Variants in EMB observed in about 807,000 individuals in gnomAD.
The protein encoded by EMB is embigin homolog.
A neutral mutation model predicts 41.4 loss-of-function variants in EMB; 31 were observed. The observed-to-expected ratio is 0.75, with a 90% CI of 0.56 to 1.01. EMB has a LOEUF of 1.01. EMB is among the 50% of genes least tolerant of loss of function. The probability of loss-of-function intolerance (pLI) is 0.00; values close to 1 mark genes in which losing one functional copy is unlikely to be tolerated. For missense variants in EMB, 379 were observed against 388.3 expected, an observed-to-expected ratio of 0.98 and a Z score of 0.20; for synonymous variants, 137 against 140.4, an observed-to-expected ratio of 0.98 and a Z score of 0.17.
chr5:50,400,395 A>C (rs1745141863), intron 7 of EMB, among the ~76,000 whole-genome samples: 1 of 152,040 alleles, frequency 6.6e-6, no homozygotes, highest in African/African-American at 2.4e-5. Flanking sequence ...CTAAATAACC[A>C]GTATGCATAA....
upstream of EMB, among the ~76,000 whole-genome samples, chr5:50,442,514 T>TACACACACACACACGTAC (rs1554026470): frequency 1.7e-4 from 26 of 150,756 alleles, no homozygotes; most frequent in African/African-American, 6.4e-4. Flanking sequence ...TGCACACATG[T>TACACACACACACACGTAC]ACACACACAC....
At chr5:50,408,872 C>G (rs184397027) in intron 4 of EMB, among the ~76,000 whole-genome samples, 1 of 151,980 alleles carries the variant, frequency 6.6e-6, no homozygotes, top group Admixed American at 6.6e-5. Context: ...TTTCTGTAAG[C>G]AATATTCAAT....
intron 2 of EMB, among the ~76,000 whole-genome samples, chr5:50,426,902 A>C (rs1579739175): frequency 6.6e-6 from 1 of 151,440 alleles, no homozygotes. Flanking sequence ...AAAAAAGAAA[A>C]AAAAAAAAAA....
intron 6 of EMB, 92 bp downstream of exon 6, chr5:50,403,086 C>G (rs1264901902): frequency 3.3e-6 from 4 of 1,209,158 alleles, no homozygotes; most frequent in Non-Finnish European, 3.4e-6. Context: ...TGCAATGTAT[C>G]AAATCATAAT....
intron 5 of EMB, 88 bp downstream of exon 5, chr5:50,405,637 G>C: frequency 6.8e-7 from 1 of 1,466,326 alleles, no homozygotes; most frequent in Non-Finnish European, 9.0e-7. Context: ...AATCATCTTA[G>C]GAATGCTGAG....
intron 2 of EMB, among the ~76,000 whole-genome samples, chr5:50,426,021 T>A (rs1007748261): frequency 3.3e-5 from 5 of 152,206 alleles, no homozygotes; most frequent in African/African-American, 4.8e-5. Context: ...GAAATAGCAA[T>A]AAACCTAGAA....
At chr5:50,418,961 A>T (rs1745471510) in intron 2 of EMB, among the ~76,000 whole-genome samples, 2 of 152,254 alleles carry the variant, frequency 1.3e-5, no homozygotes, top group Admixed American at 1.3e-4. Context: ...TTAAAATTAC[A>T]TAGCACTGAT....
chr5:50,415,574 T>A (rs1474137705), intron 2 of EMB, among the ~76,000 whole-genome samples: 1 of 152,208 alleles, frequency 6.6e-6, no homozygotes, highest in African/African-American at 2.4e-5. Flanking sequence ...GTTGATTAAA[T>A]AATTTAATCT....
intron 2 of EMB, among the ~76,000 whole-genome samples, chr5:50,422,495 T>G (rs1745540811): frequency 6.6e-6 from 1 of 152,070 alleles, no homozygotes; most frequent in Non-Finnish European, 1.5e-5. Flanking sequence ...ATGATTAGAG[T>G]GCTATTTCAA....
intron 2 of EMB, among the ~76,000 whole-genome samples, chr5:50,418,396 T>TA (rs1209556993): frequency 6.6e-6 from 1 of 152,224 alleles, no homozygotes; most frequent in Non-Finnish European, 1.5e-5. Context: ...TGCGGAAACC[T>TA]AAGAACAGAT....
intron 2 of EMB, among the ~76,000 whole-genome samples, chr5:50,413,994 C>T (rs1169869828): frequency 6.6e-6 from 1 of 152,050 alleles, no homozygotes; most frequent in Non-Finnish European, 1.5e-5. Context: ...CAAAACTGAA[C>T]TGTAATATTT....
chr5:50,437,947 T>A (rs1267620299), intron 1 of EMB, among the ~76,000 whole-genome samples: 1 of 152,096 alleles, frequency 6.6e-6, no homozygotes, highest in Admixed American at 6.5e-5. Context: ...TACAAAGATA[T>A]ATTATATGTC....
chr5:50,428,721 G>C, intron 1 of EMB: 3 of 985,244 alleles, frequency 3.0e-6, no homozygotes, highest in African/African-American at 1.7e-5. Context: ...GTTGCTATTT[G>C]TTTTCTAGCT....
chr5:50,442,666 G>A (rs1745934344), upstream of EMB, among the ~76,000 whole-genome samples: 1 of 152,132 alleles, frequency 6.6e-6, no homozygotes, highest in Admixed American at 6.5e-5. Context: ...ATACACTGTT[G>A]ACCCTCTGAG....
intron 1 of EMB, among the ~76,000 whole-genome samples, chr5:50,432,786 C>T (rs1157589561): frequency 1.1e-4 from 16 of 141,494 alleles, no homozygotes; most frequent in Non-Finnish European, 2.0e-4. Flanking sequence ...TCAAAAAATT[C>T]TAGTTATCAG....
chr5:50,423,844 T>G (rs1187422457), intron 2 of EMB, among the ~76,000 whole-genome samples: 2 of 152,232 alleles, frequency 1.3e-5, no homozygotes, highest in African/African-American at 2.4e-5. Flanking sequence ...AAAATTATTT[T>G]TATTCACATT....
chr5:50,399,789 CTGAT>C, intron 8 of EMB, 66 bp downstream of exon 8: 1 of 1,255,852 alleles, frequency 8.0e-7, no homozygotes, highest in South Asian at 1.3e-5. Context: ...AAAAAAGTAA[CTGAT>C]TGATAGATAG....
rs1461091415 is a variant in EMB, at chr5:50,404,405, T to A, written c.601-951A>T. Reference sequence around the variant, plus strand: ...TTAATAAGTACCCAGCTGATTCTGATGCACATGGTTGGTCTACATTTTGAA... The same window carrying A: ...TTAATAAGTACCCAGCTGATTCTGAAGCACATGGTTGGTCTACATTTTGAA... On this transcript the variant is annotated intron_variant, in intron 5 of 8. Transcript: ENST00000303221. Among the ~76,000 whole-genome samples, 15 of 152,050 alleles carry A rather than the reference T, an allele frequency of 9.9e-5. No homozygotes were observed. In the East Asian group the frequency reaches 2.7e-3, roughly 28 times the overall value.
At chr5:50,434,828 T>C (rs1745777997) in intron 1 of EMB, among the ~76,000 whole-genome samples, 1 of 152,242 alleles carries the variant, frequency 6.6e-6, no homozygotes. Context: ...GCAATTTTTA[T>C]TAGGAGTAGA....
Sources: allele counts gnomAD v4.1 joint callset (sites outside exome capture counted in the v4.1 genomes callset), GRCh38; gene constraint gnomAD v4.1.1; transcripts MANE v1.5; gene names NCBI Gene and HGNC (gene_info 2026-07-23, HGNC 2026-07-21).